MSRA: variants seen among roughly 807,000 people sequenced by gnomAD.
MSRA encodes methionine sulfoxide reductase A.
Under a neutral mutation model 31.3 loss-of-function variants are expected in MSRA, and 54 were observed. That is an observed-to-expected ratio of 1.73 (90% confidence interval 1.39 to 2.17). The LOEUF is 2.17. MSRA is among the 30% of genes most tolerant of loss of function. The pLI is 0.00. For missense variants in MSRA, 507 were observed against 300.9 expected, an observed-to-expected ratio of 1.69 and a Z score of -5.07; for synonymous variants, 169 against 116.5, an observed-to-expected ratio of 1.45 and a Z score of -2.90.
chr8:10,291,918 G>A (rs1188893319), intron 3 of MSRA, among the ~76,000 whole-genome samples: 1 of 152,132 alleles, frequency 6.6e-6, no homozygotes, highest in African/African-American at 2.4e-5. Flanking sequence ...CAGTTCCCGT[G>A]GCACAAGGGT....
chr8:10,191,393 G>GA (rs1394169993), intron 1 of MSRA, among the ~76,000 whole-genome samples: 3 of 152,078 alleles, frequency 2.0e-5, no homozygotes, highest in Non-Finnish European at 2.9e-5. Flanking sequence ...GGGAATTTTG[G>GA]AAAAACATTT....
chr8:10,319,291 C>G (rs1801907366), intron 4 of MSRA, among the ~76,000 whole-genome samples: 1 of 152,190 alleles, frequency 6.6e-6, no homozygotes, highest in African/African-American at 2.4e-5. Context: ...CTCTGGGGCA[C>G]TGTCACACTC....
At chr8:10,352,577 G>C (rs1407010629) in intron 5 of MSRA, among the ~76,000 whole-genome samples, 1 of 152,086 alleles carries the variant, frequency 6.6e-6, no homozygotes, top group African/African-American at 2.4e-5. Flanking sequence ...TTGCTGGTTA[G>C]TCTCTGTTCT....
chr8:10,117,202 T>A (rs1192352027), intron 1 of MSRA, among the ~76,000 whole-genome samples: 1 of 152,140 alleles, frequency 6.6e-6, no homozygotes, highest in Non-Finnish European at 1.5e-5. Context: ...ATGCCTACTT[T>A]GTTGAGTTCC....
chr8:10,115,299 G>C (rs1800596289), intron 1 of MSRA, among the ~76,000 whole-genome samples: 1 of 152,204 alleles, frequency 6.6e-6, no homozygotes. Flanking sequence ...AGATTTTGTG[G>C]AATGGAAGAG....
chr8:10,225,737 G>A (rs1171074083), intron 2 of MSRA, among the ~76,000 whole-genome samples: 1 of 152,124 alleles, frequency 6.6e-6, no homozygotes, highest in Admixed American at 6.6e-5. Context: ...AGTTTTCTGG[G>A]TACTCGTTGG....
chr8:10,116,898 G>A (rs1474787763), intron 1 of MSRA, among the ~76,000 whole-genome samples: 3 of 152,142 alleles, frequency 2.0e-5, no homozygotes, highest in African/African-American at 7.2e-5. Flanking sequence ...CCTGGGAAGT[G>A]GAGGTTGCGG....
At chr8:10,415,023 C>G (rs1359431372) in intron 5 of MSRA, among the ~76,000 whole-genome samples, 3 of 152,136 alleles carry the variant, frequency 2.0e-5, no homozygotes, top group Non-Finnish European at 2.9e-5. Context: ...AAGGAAAGCC[C>G]AAATCAAGAG....
At chr8:10,408,182 C>A (rs187603621) in intron 5 of MSRA, among the ~76,000 whole-genome samples, 340 of 152,246 alleles carry the variant, frequency 2.2e-3, no homozygotes, top group Non-Finnish European at 3.8e-3. Context: ...GTGCAAAAAT[C>A]GGGCTTCTCA....
chr8:10,222,744 C>A (rs183316266), intron 2 of MSRA, among the ~76,000 whole-genome samples: 1 of 152,134 alleles, frequency 6.6e-6, no homozygotes, highest in Non-Finnish European at 1.5e-5. Flanking sequence ...CATAGAAAAA[C>A]AAATAGTGCG....
At chr8:10,077,066 A>G (rs1474694799) in intron 1 of MSRA, among the ~76,000 whole-genome samples, 2 of 146,500 alleles carry the variant, frequency 1.4e-5, no homozygotes, top group Non-Finnish European at 1.5e-5. Flanking sequence ...AAAAAAGAGC[A>G]GAGGACAAGG....
At chr8:10,306,630 T>A (rs539191869) in intron 4 of MSRA, among the ~76,000 whole-genome samples, 1 of 152,324 alleles carries the variant, frequency 6.6e-6, no homozygotes, top group South Asian at 2.1e-4. Context: ...TAAGGCTTCT[T>A]CTCACAGAGT....
chr8:10,186,420 C>G (rs1807059852), intron 1 of MSRA, among the ~76,000 whole-genome samples: 2 of 152,122 alleles, frequency 1.3e-5, no homozygotes, highest in African/African-American at 4.8e-5. Flanking sequence ...TTTAATGACA[C>G]TCAAATTTGA....
At chr8:10,313,905 T>C (rs1801574055) in intron 4 of MSRA, among the ~76,000 whole-genome samples, 1 of 152,240 alleles carries the variant, frequency 6.6e-6, no homozygotes, top group Non-Finnish European at 1.5e-5. Context: ...CATTTCATAG[T>C]ACTGGGGAAA....
intron 2 of MSRA, among the ~76,000 whole-genome samples, chr8:10,222,911 A>T (rs994888347): frequency 3.9e-5 from 6 of 152,224 alleles, no homozygotes; most frequent in African/African-American, 1.4e-4. Flanking sequence ...GACTATAGTT[A>T]ATAATAATAC....
At chr8:10,261,519 G>C (rs1160667420) in intron 3 of MSRA, among the ~76,000 whole-genome samples, 1 of 152,076 alleles carries the variant, frequency 6.6e-6, no homozygotes, top group Non-Finnish European at 1.5e-5. Context: ...AAGAAAGCAA[G>C]GCATTCGTTT....
intron 3 of MSRA, among the ~76,000 whole-genome samples, chr8:10,275,327 A>G (rs1395721860): frequency 2.0e-5 from 3 of 152,186 alleles, no homozygotes; most frequent in Non-Finnish European, 4.4e-5. Flanking sequence ...AAGAGCTTAA[A>G]TGATTATCTG....
chr8:10,349,674 C>T (rs371270182), intron 5 of MSRA, among the ~76,000 whole-genome samples: 1 of 152,170 alleles, frequency 6.6e-6, no homozygotes, highest in African/African-American at 2.4e-5. Flanking sequence ...GTGCCTAGTA[C>T]GGGGCCTGGC....
At chr8:10,365,210 T>TC (rs1346797175) in intron 5 of MSRA, among the ~76,000 whole-genome samples, 7 of 151,650 alleles carry the variant, frequency 4.6e-5, no homozygotes, top group Non-Finnish European at 8.8e-5. Context: ...TCATCTTTTT[T>TC]CCCCTCTGAG....
Sources: allele counts gnomAD v4.1 joint callset (sites outside exome capture counted in the v4.1 genomes callset), GRCh38; gene constraint gnomAD v4.1.1; transcripts MANE v1.5; gene names NCBI Gene and HGNC (gene_info 2026-07-23, HGNC 2026-07-21).